Variants in C16orf95 observed in about 807,000 individuals in gnomAD.
The protein encoded by C16orf95 is uncharacterized protein C16orf95.
A neutral mutation model predicts 32.1 loss-of-function variants in C16orf95; 41 were observed. The observed-to-expected ratio is 1.28, with a 90% CI of 1.00 to 1.66. The LOEUF (loss-of-function observed/expected upper bound fraction) is 1.66, where lower values mean the gene tolerates loss of function less well. Among genes scored for constraint, C16orf95 ranks in the 40% most tolerant of loss-of-function variants. The pLI is 0.00. For missense variants in C16orf95, 399 were observed against 325.9 expected (o/e 1.22, Z -1.73); for synonymous variants, 147 against 128.9 (o/e 1.14, Z -0.95).
chr16:87,304,673 T>C (rs867400701), intron 6 of C16orf95, among the ~76,000 whole-genome samples: 1 of 152,140 alleles, frequency 6.6e-6, no homozygotes, highest in Non-Finnish European at 1.5e-5. Flanking sequence ...CGTACCCCGA[T>C]GCACATCACA....
Position 87,303,042 on chromosome 16 carries a change from C to A in C16orf95, c.*15G>T. 3 of 1,536,072 alleles carry A rather than the reference C, an allele frequency of 2.0e-6. No individual in the cohort carries two copies. The highest frequency in any genetic ancestry group is 2.6e-6 in the Non-Finnish European group (3 of 1,146,818). On this transcript the variant is annotated 3_prime_UTR_variant, in exon 7 of 7. Transcript: ENST00000567970. ...TTTTTGTGGCTGTTCTTGACAGTAG[C>A]TGAAGATTCCAACTTCAAACCCCAA...
intron 3 of C16orf95, among the ~76,000 whole-genome samples, chr16:87,312,858 G>C (rs1482598562): frequency 3.3e-5 from 5 of 152,052 alleles, no homozygotes; most frequent in Admixed American, 2.6e-4. Flanking sequence ...AAGAACAATA[G>C]ACAAAAAATC....
chr16:87,308,378 G>A (rs918791480), intron 5 of C16orf95, among the ~76,000 whole-genome samples: 1 of 152,094 alleles, frequency 6.6e-6, no homozygotes, highest in African/African-American at 2.4e-5. Flanking sequence ...CTACTCAGGA[G>A]GCTGAGGAAG....
Position 87,314,980 on chromosome 16 carries a change from G to C in C16orf95, c.321C>G (p.Pro107=). The C allele has an allele frequency of 6.5e-7, 1 of 1,535,960 alleles. No homozygotes were observed. The highest frequency in any genetic ancestry group is 8.7e-7 in the Non-Finnish European group (1 of 1,146,828). ...LPYWVPLSLR[P]RKQSQKTVQF... ...GGTTCAAGTCACCTACCTGCTTTCG[G>C]GGTCTCAGGGACAGAGGGACCCAGT... Residue 107 remains proline, a synonymous_variant, in exon 3 of 7, where the codon CCC becomes CCG. Transcript: ENST00000567970.
At chr16:87,306,007 G>C (rs977897217) in intron 5 of C16orf95, 102 bp from the exon 6 acceptor site, 1 of 900,524 alleles carries the variant, frequency 1.1e-6, no homozygotes, top group Non-Finnish European at 1.5e-6. Context: ...GGGAAATGGG[G>C]ACTTCCAGGA....
intron 3 of C16orf95, 57 bp downstream of exon 3, chr16:87,314,914 G>A: frequency 1.4e-6 from 2 of 1,457,628 alleles, no homozygotes; most frequent in Non-Finnish European, 1.8e-6. Flanking sequence ...GGGGTGACTG[G>A]TCAACTGACA....
chr16:87,306,671 C>G (rs1197586277), intron 5 of C16orf95, among the ~76,000 whole-genome samples: 2 of 152,158 alleles, frequency 1.3e-5, no homozygotes, highest in Non-Finnish European at 2.9e-5. Context: ...AAGAAAGTGT[C>G]TCACATTTTT....
chr16:87,315,196 G>A (rs1361699151), intron 2 of C16orf95, 100 bp from the exon 3 acceptor site: 6 of 1,282,896 alleles, frequency 4.7e-6, no homozygotes, highest in African/African-American at 3.0e-5. Context: ...GGAAGATGGT[G>A]TCCGGGGGCA....
At chr16:87,316,603 C>T (rs889231510) in intron 1 of C16orf95, among the ~76,000 whole-genome samples, 9 of 152,042 alleles carry the variant, frequency 5.9e-5, no homozygotes, top group East Asian at 1.9e-4. Flanking sequence ...CCACAGCATC[C>T]GAGGCCCCTT....
chr16:87,316,963 A>G (rs1307675280), intron 1 of C16orf95, 128 bp downstream of exon 1: 4 of 1,368,700 alleles, frequency 2.9e-6, no homozygotes, highest in East Asian at 2.8e-5. Context: ...TGTTAAGCCA[A>G]TGTAAGTGAG....
intron 6 of C16orf95, chr16:87,303,369 T>C: frequency 2.5e-6 from 1 of 398,810 alleles, no homozygotes; most frequent in South Asian, 3.8e-5. Context: ...ACAGGTGAAA[T>C]GAAGGCAGGT....
At chr16:87,313,638 G>A (rs148603758) in intron 3 of C16orf95, among the ~76,000 whole-genome samples, 2 of 152,210 alleles carry the variant, frequency 1.3e-5, no homozygotes, top group Admixed American at 6.5e-5. Context: ...GGGGGGTGAG[G>A]GGGGAGGATT....
In C16orf95 at chr16:87,317,276, A is replaced by T; in HGVS notation, c.-34T>A. ...TTATGGCTGACGCGCCCTTTCACACACACATCGTCCGCAGGCCCTGACGCC... is the reference window on the plus strand; with the variant it reads ...TTATGGCTGACGCGCCCTTTCACACTCACATCGTCCGCAGGCCCTGACGCC... On this transcript the variant is annotated 5_prime_UTR_variant, in exon 1 of 7. The change creates a premature stop within an existing upstream ORF in the 5' untranslated region. Coordinates refer to ENST00000567970, the MANE Select transcript of C16orf95 (RefSeq NM_001195124.3). 1 of 1,481,656 alleles carries T rather than the reference A, an allele frequency of 6.7e-7. No individual in the cohort carries two copies. Among genetic ancestry groups the T allele is most frequent in the Non-Finnish European group, 9.0e-7 (1 of 1,115,458 alleles). The allele number at this position is 1,481,656 out of a possible 1,614,324, so 91.8% of individuals were successfully genotyped here.
chr16:87,308,669 G>C (rs1911137173), intron 5 of C16orf95, among the ~76,000 whole-genome samples: 1 of 152,162 alleles, frequency 6.6e-6, no homozygotes. Flanking sequence ...CCATTGCTTT[G>C]GTTGTGCTTT....
intron 2 of C16orf95, 29 bp downstream of exon 2, chr16:87,315,743 G>A (rs1192589422): frequency 2.5e-5 from 38 of 1,512,108 alleles, no homozygotes; most frequent in Non-Finnish European, 3.4e-5. Flanking sequence ...TGGGGTCAGG[G>A]CCAGTGGCTG....
intron 6 of C16orf95, among the ~76,000 whole-genome samples, chr16:87,304,397 C>A (rs1910917119): frequency 1.3e-5 from 2 of 152,214 alleles, no homozygotes; most frequent in African/African-American, 4.8e-5. Context: ...GGCCACCATG[C>A]CCAGCCTTGC....
At chr16:87,306,301 C>T (rs1438222716) in intron 5 of C16orf95, among the ~76,000 whole-genome samples, 2 of 152,186 alleles carry the variant, frequency 1.3e-5, no homozygotes, top group Non-Finnish European at 2.9e-5. Flanking sequence ...ATCTCCACTT[C>T]GGGGTATATT....
At position 87,317,283 on chromosome 16, in the gene C16orf95, G is replaced by T. The variant is rs1165131696; in HGVS notation, c.-41C>A. 14 of 1,474,938 alleles carry T rather than the reference G, an allele frequency of 9.5e-6. No individual in the cohort carries two copies. The highest frequency in any genetic ancestry group is 1.2e-5 in the Non-Finnish European group (13 of 1,112,516). 91.4% of individuals were successfully genotyped at this position (1,474,938 alleles called of 1,614,324 possible). ...TGACGCGCCCTTTCACACACACATC[G>T]TCCGCAGGCCCTGACGCCCTGGCTC... On this transcript the variant is annotated 5_prime_UTR_variant, in exon 1 of 7. Coordinates refer to ENST00000567970, the MANE Select transcript of C16orf95 (RefSeq NM_001195124.3).
intron 5 of C16orf95, among the ~76,000 whole-genome samples, chr16:87,308,188 A>G (rs1038576733): frequency 1.3e-5 from 2 of 152,144 alleles, no homozygotes; most frequent in Non-Finnish European, 2.9e-5. Context: ...CACTCCCATA[A>G]TAAGCAGGTG....
Sources: gnomAD v4.1 joint callset for allele counts (sites outside exome capture counted in the v4.1 genomes callset) on GRCh38, gnomAD v4.1.1 for gene constraint, MANE v1.5 for transcripts, NCBI Gene and HGNC (gene_info 2026-07-23, HGNC 2026-07-21) for gene names.